Variants in CEP290 observed in about 807,000 individuals in gnomAD.
CEP290 encodes the protein centrosomal protein of 290 kDa.
A neutral mutation model predicts 344.9 loss-of-function variants in CEP290; 317 were observed. The ratio of observed to expected loss-of-function variants is 0.92; its 90% CI spans 0.84 to 1.01. The LOEUF (loss-of-function observed/expected upper bound fraction) is 1.01, where lower values mean the gene tolerates loss of function less well. Ranked by LOEUF, CEP290 falls within the 50% of genes least tolerant of loss-of-function variation. The probability of loss-of-function intolerance (pLI) is 0.00; values close to 1 mark genes in which losing one functional copy is unlikely to be tolerated. For missense variants in CEP290, 2,754 were observed against 2,761.4 expected, an observed-to-expected ratio of 1.00 and a Z score of 0.06; for synonymous variants, 932 against 895.8, an observed-to-expected ratio of 1.04 and a Z score of -0.72.
intron 26 of CEP290, 121 bp downstream of exon 26, chr12:88,102,717 C>A (rs1009605408): frequency 4.3e-6 from 3 of 691,100 alleles, no homozygotes; most frequent in South Asian, 2.1e-5. Context: ...ATAATTATAT[C>A]TCTGTTAAAT....
At position 88,054,332 on chromosome 12, in the gene CEP290, TG is replaced by T; in HGVS notation, c.7034+7del. The T allele has an allele frequency of 3.8e-6, 6 of 1,578,310 alleles. No homozygotes were observed. The highest frequency in any genetic ancestry group is 5.2e-6 in the Non-Finnish European group (6 of 1,157,254). ...AAAACAAAGTAGTCATATGAATACA[TG>T]ATGTACCTAAGAACTTGAAGCTCCC... On this transcript the variant is annotated splice_region_variant and intron_variant, in intron 51 of 53. Transcript: ENST00000552810.
intron 34 of CEP290, 136 bp downstream of exon 34, chr12:88,085,903 T>C (rs2036539837): frequency 6.3e-6 from 5 of 792,244 alleles, no homozygotes; most frequent in Admixed American, 3.1e-5. Flanking sequence ...AGAAACATTA[T>C]AGGAGAATAG....
chr12:88,115,470 TA>T (rs1353830304), intron 18 of CEP290: 1 of 1,304,980 alleles, frequency 7.7e-7, no homozygotes, highest in African/African-American at 1.5e-5. Flanking sequence ...GTTCTGCCTT[TA>T]CACTACCTGT....
chr12:88,116,290 C>A (rs1006798360), intron 18 of CEP290, among the ~76,000 whole-genome samples: 3 of 152,204 alleles, frequency 2.0e-5, no homozygotes, highest in African/African-American at 7.2e-5. Flanking sequence ...AGACATGGTG[C>A]TTTAAAAATC....
rs1227987107 is a variant in CEP290 at position 88,049,281 on chromosome 12, A to G, written c.7343T>C (p.Leu2448Pro). The G allele has an allele frequency of 3.7e-6, 6 of 1,609,496 alleles. No individual in the cohort carries two copies. Among genetic ancestry groups the G allele is most frequent in the Non-Finnish European group, 5.1e-6 (6 of 1,177,918 alleles). The change falls in exon 54 of 54, where the codon CTT becomes CCT. Residue 2448 changes from leucine to proline, a missense_variant. Leu to Pro is a moderately conservative substitution (Grantham distance 98). Coordinates refer to ENST00000552810, the MANE Select transcript of CEP290 (RefSeq NM_025114.4). ...TAATTCAACTCCCAATTGTTCTGAA[A>G]GTTTTTTTACCTTCTCTTCTAAGAG... Reference protein sequence around the residue: ...NILLEEKVKKLSEQLGVELTS... With the variant: ...NILLEEKVKKPSEQLGVELTS...
intron 32 of CEP290, among the ~76,000 whole-genome samples, chr12:88,087,149 T>C (rs2468251): frequency 0.79 from 119,965 of 152,102 alleles, 50,963 homozygotes; most frequent in East Asian, 0.96. Context: ...GTCTCTGAAG[T>C]ATATACTTTA....
intron 27 of CEP290, among the ~76,000 whole-genome samples, chr12:88,095,325 A>C (rs958281219): frequency 1.3e-5 from 2 of 152,178 alleles, no homozygotes; most frequent in Admixed American, 1.3e-4. Context: ...GATGAAAAAA[A>C]GCTAATGATG....
chr12:88,097,114 TA>T (rs2037487963), intron 26 of CEP290, 115 bp from the exon 27 acceptor site: 1 of 625,334 alleles, frequency 1.6e-6, no homozygotes, highest in Non-Finnish European at 2.8e-6. Flanking sequence ...TCCAGTTTTT[TA>T]CAAAATTAGA....
chr12:88,065,463 A>G (rs1259402503), intron 44 of CEP290, among the ~76,000 whole-genome samples: 1 of 152,228 alleles, frequency 6.6e-6, no homozygotes, highest in Non-Finnish European at 1.5e-5. Flanking sequence ...GCCCAAGTAT[A>G]CATTCAAATC....
In CEP290 at chr12:88,126,317, T is replaced by G. The variant is rs1171157076; in HGVS notation, c.1064A>C (p.Gln355Pro). 1 of 1,459,128 alleles carries G rather than the reference T, an allele frequency of 6.9e-7. No individual in the cohort carries two copies. Among genetic ancestry groups the G allele is most frequent in the African/African-American group, 1.5e-5 (1 of 67,402 alleles). 90.4% of individuals were successfully genotyped at this position (1,459,128 alleles called of 1,614,324 possible). A position where few individuals can be genotyped will look rare whatever the true frequency, so the allele number is the denominator to read the frequency against. ...AACAAAATTCTGTTAAGATTTTACC[T>G]GCTGTAGAGCCATAACATTACTTTT... Reference protein sequence around the residue: ...ADKSNVMALQQGIQERDSQIK... With the variant: ...ADKSNVMALQPGIQERDSQIK... Residue 355 changes from glutamine (Q) to proline (P), a missense_variant and splice_region_variant, in exon 12 of 54, where the codon CAG becomes CCG. Coordinates refer to ENST00000552810, the MANE Select transcript of CEP290 (RefSeq NM_025114.4).
At chr12:88,096,830 A>C (rs2037466345) in intron 27 of CEP290, 58 bp downstream of exon 27, 7 of 865,374 alleles carry the variant, frequency 8.1e-6, no homozygotes, top group Non-Finnish European at 3.5e-6. Context: ...AACTTTAAAT[A>C]AGAAATATTC....
chr12:88,130,650 A>C (rs1466555727), intron 7 of CEP290, 85 bp from the exon 8 acceptor site: 21 of 1,314,160 alleles, frequency 1.6e-5, no homozygotes, highest in Non-Finnish European at 3.0e-6. Flanking sequence ...TAAAGAAAAC[A>C]AAAAAATTTT....
At chr12:88,108,754 G>A (rs918231650) in intron 23 of CEP290, among the ~76,000 whole-genome samples, 2 of 151,966 alleles carry the variant, frequency 1.3e-5, no homozygotes, top group African/African-American at 2.4e-5. Flanking sequence ...CTATGAAAAG[G>A]GTATTACTTA....
chr12:88,130,318 G>A lies in CEP290; in HGVS notation c.619C>T (p.Gln207Ter). ...AGCTCATAGTTTTTTTTAGACAACTGTGATCGGTAGTCACTGTCTTCCCCT... is the reference window on the plus strand; with the variant it reads ...AGCTCATAGTTTTTTTTAGACAACTATGATCGGTAGTCACTGTCTTCCCCT... ...RRGEDSDYRS[Q>*]LSKKNYELIQ... The change falls in exon 9 of 54, where the codon CAG becomes TAG. Residue 207 changes from glutamine to a stop codon, truncating the protein, a stop_gained. Coordinates refer to ENST00000552810, the MANE Select transcript of CEP290 (RefSeq NM_025114.4). LOFTEE classifies it high-confidence loss of function. The A allele has an allele frequency of 1.2e-6, 2 of 1,607,244 alleles. No homozygotes were observed. Among genetic ancestry groups the A allele is most frequent in the Non-Finnish European group, 1.7e-6 (2 of 1,177,694 alleles).
Position 88,106,784 on chromosome 12 carries a change from A to G in CEP290, c.2708T>C (p.Leu903Ser), listed in dbSNP as rs768822859. ...TCTAAGTTGTCGCTCCAATTCTACT[A>G]AGGTTGTATATTGCCTTATAAGTGA... The part of the protein sequence containing the change: ...EKSLIRQYTT[L>S]VELERQLRKE... The change falls in exon 25 of 54, where the codon TTA becomes TCA. Residue 903 changes from leucine to serine, a missense_variant. Transcript: ENST00000552810. 5 of 1,610,002 alleles carry G rather than the reference A, an allele frequency of 3.1e-6. No individual in the cohort carries two copies.
At chr12:88,120,869 G>A in intron 14 of CEP290, 128 bp downstream of exon 14, 2 of 743,974 alleles carry the variant, frequency 2.7e-6, no homozygotes, top group East Asian at 3.0e-5. Flanking sequence ...ATAAATTAAT[G>A]AGGATAATCT....
In CEP290 at chr12:88,109,260, T is replaced by C. The variant is rs375069072; in HGVS notation, c.2368-79A>G. On this transcript the variant is annotated intron_variant, in intron 22 of 53. Coordinates refer to ENST00000552810, the MANE Select transcript of CEP290 (RefSeq NM_025114.4). ...CTGAATTTGAAAGTATAAATTCATA[T>C]TCTGACAACATTATAGGAAAGTTAA... 104 of 575,224 alleles carry C rather than the reference T, an allele frequency of 1.8e-4. No homozygotes were observed. The African/African-American group carries it at 1.9e-3, about 11-fold the overall frequency. 35.6% of individuals were successfully genotyped at this position (575,224 alleles called of 1,614,324 possible). A position where few individuals can be genotyped will look rare whatever the true frequency, so the allele number is the denominator to read the frequency against.
At chr12:88,058,612 C>A (rs965235281) in intron 49 of CEP290, 3 of 496,114 alleles carry the variant, frequency 6.0e-6, no homozygotes, top group Non-Finnish European at 1.0e-5. Flanking sequence ...CGCCCAGCCC[C>A]AGCTCTACAC....
In CEP290 at chr12:88,059,971, T is replaced by A. The variant is rs368428115; in HGVS notation, c.6572A>T (p.His2191Leu). 30 of 1,587,076 alleles carry A rather than the reference T, an allele frequency of 1.9e-5. No individual in the cohort carries two copies. The African/African-American group carries it at 3.4e-4, about 18-fold the overall frequency. Residue 2191 changes from histidine (H) to leucine (L), a missense_variant, in exon 48 of 54, where the codon CAC becomes CTC. Coordinates refer to ENST00000552810, the MANE Select transcript of CEP290 (RefSeq NM_025114.4). Reference protein sequence around the residue: ...KAHLGHQLSMHYESKTKGTEK... With the variant: ...KAHLGHQLSMLYESKTKGTEK... ...TGTGCCTTTGGTCTTGGATTCATAG[T>A]GCATGCTCAACTGATGCCCAAGATG...
Sources: gnomAD v4.1 joint callset for allele counts (sites outside exome capture counted in the v4.1 genomes callset) on GRCh38, gnomAD v4.1.1 for gene constraint, MANE v1.5 for transcripts, NCBI Gene and HGNC (gene_info 2026-07-23, HGNC 2026-07-21) for gene names.